TNN: variants seen among roughly 807,000 people sequenced by gnomAD.
The protein encoded by TNN is tenascin-N.
TNN carries 122 observed loss-of-function variants against 134.4 expected under a neutral mutation model. The observed-to-expected ratio is 0.91, with a 90% CI of 0.78 to 1.06. The LOEUF (loss-of-function observed/expected upper bound fraction) is 1.06. Ranked by LOEUF, TNN falls within the 50% of genes least tolerant of loss-of-function variation. The probability of loss-of-function intolerance (pLI) is 0.00; values close to 1 mark genes in which losing one functional copy is unlikely to be tolerated. For missense variants in TNN, 1,739 were observed against 1,699.4 expected, an observed-to-expected ratio of 1.02 and a Z score of -0.41; for synonymous variants, 710 against 670.3, an observed-to-expected ratio of 1.06 and a Z score of -0.91.
chr1:175,139,860 T>C (rs1175058540), intron 17 of TNN, among the ~76,000 whole-genome samples: 3 of 152,254 alleles, frequency 2.0e-5, no homozygotes, highest in Non-Finnish European at 4.4e-5. Context: ...TTCAGGTTTA[T>C]TGTGATCTTA....
At chr1:175,132,358 A>C (rs1411667105) in intron 15 of TNN, among the ~76,000 whole-genome samples, 2 of 152,186 alleles carry the variant, frequency 1.3e-5, no homozygotes, top group African/African-American at 4.8e-5. Flanking sequence ...GGACTTTCAC[A>C]TCTGTCAAAT....
intron 4 of TNN, 114 bp from the exon 5 acceptor site, chr1:175,083,636 C>G: frequency 1.0e-6 from 1 of 957,524 alleles, no homozygotes; most frequent in Admixed American, 2.7e-5. Context: ...GGGGCTGAAG[C>G]CAGCTCTTGA....
rs1240910068 is a variant in TNN at position 175,104,247 on chromosome 1, G to A, written c.2119+5652G>A. On this transcript the variant is annotated intron_variant, in intron 9 of 18. Transcript: ENST00000239462. ...ACTGAGAAGGCCGCGCCAGTATCCA[G>A]GAGGAAGTCAATTTCCTGGCCCTCA... 2.1e-5 allele frequency among the ~76,000 whole-genome samples: 3 copies of A among 145,538 alleles called. 1 individual carries two copies. Among genetic ancestry groups the A allele is most frequent in the Non-Finnish European group, 4.6e-5 (3 of 65,586 alleles).
intron 9 of TNN, among the ~76,000 whole-genome samples, chr1:175,110,099 A>G (rs541045552): frequency 4.6e-5 from 7 of 152,172 alleles, no homozygotes; most frequent in Non-Finnish European, 8.8e-5. Context: ...CATTTCCCTG[A>G]TGATTAGTGA....
intron 4 of TNN, among the ~76,000 whole-genome samples, chr1:175,081,949 G>A (rs947100692): frequency 6.6e-6 from 1 of 152,150 alleles, no homozygotes; most frequent in Non-Finnish European, 1.5e-5. Context: ...TGGGTGTTCA[G>A]CTATTTGTGT....
chr1:175,125,246 A>C (rs994961271), intron 12 of TNN, among the ~76,000 whole-genome samples: 1 of 152,238 alleles, frequency 6.6e-6, no homozygotes, highest in African/African-American at 2.4e-5. Context: ...CTCTCAGCTG[A>C]AATGCTACTG....
At chr1:175,100,905 T>C (rs1039608849) in intron 9 of TNN, among the ~76,000 whole-genome samples, 13 of 152,250 alleles carry the variant, frequency 8.5e-5, no homozygotes, top group African/African-American at 2.7e-4. Flanking sequence ...TACATATTTA[T>C]AGGTACATGT....
At position 175,098,132 on chromosome 1, in the gene TNN, T is replaced by C. The variant is rs536987207; in HGVS notation, c.1856-200T>C. On this transcript the variant is annotated intron_variant, in intron 8 of 18. Coordinates refer to ENST00000239462, the MANE Select transcript of TNN (RefSeq NM_022093.2). Reference sequence around the variant, plus strand: ...TAGGGAACTGAAAGCCAAGAAAGAATGCCTCATTTATAATGATTCCTCCTT... The same window carrying C: ...TAGGGAACTGAAAGCCAAGAAAGAACGCCTCATTTATAATGATTCCTCCTT... Among the ~76,000 whole-genome samples the C allele has an allele frequency of 2.9e-4, 44 of 152,320 alleles. 2 individuals carry two copies. The Middle Eastern group carries it at 0.014, about 47-fold the overall frequency.
chr1:175,142,549 C>T (rs1281848571), intron 17 of TNN, among the ~76,000 whole-genome samples: 2 of 152,172 alleles, frequency 1.3e-5, no homozygotes, highest in Non-Finnish European at 2.9e-5. Context: ...GCATAGGTTG[C>T]CGGGGCCCAA....
chr1:175,136,107 G>T (rs1675803861), intron 16 of TNN, among the ~76,000 whole-genome samples, 166 bp downstream of exon 16: 1 of 152,164 alleles, frequency 6.6e-6, no homozygotes, highest in East Asian at 1.9e-4. Flanking sequence ...TGATGGGAAG[G>T]CTGTCTTGCA....
At chr1:175,072,675 G>A (rs1436717953) in intron 1 of TNN, among the ~76,000 whole-genome samples, 1 of 152,174 alleles carries the variant, frequency 6.6e-6, no homozygotes, top group African/African-American at 2.4e-5. Flanking sequence ...TTGACAGAAT[G>A]TTAGGTTGAG....
chr1:175,117,564 C>G (rs933206377), intron 10 of TNN, among the ~76,000 whole-genome samples: 3 of 152,122 alleles, frequency 2.0e-5, no homozygotes, highest in Admixed American at 2.0e-4. Context: ...GAAAATTTGA[C>G]TTTAAGAACG....
At chr1:175,073,649 C>A (rs1422295138) in intron 1 of TNN, among the ~76,000 whole-genome samples, 1 of 152,228 alleles carries the variant, frequency 6.6e-6, no homozygotes, top group African/African-American at 2.4e-5. Context: ...CCTTAACATG[C>A]ATGGCTGCTT....
intron 9 of TNN, among the ~76,000 whole-genome samples, chr1:175,100,529 G>A (rs1231365002): frequency 6.6e-6 from 1 of 152,204 alleles, no homozygotes; most frequent in Non-Finnish European, 1.5e-5. Flanking sequence ...GGTCAGCCAA[G>A]GGTCACAAAA....
At chr1:175,115,020 G>A (rs1675125986) in intron 9 of TNN, among the ~76,000 whole-genome samples, 1 of 152,110 alleles carries the variant, frequency 6.6e-6, no homozygotes, top group Non-Finnish European at 1.5e-5. Context: ...CTCCCTGGGA[G>A]AAGAGTGTCT....
intron 15 of TNN, among the ~76,000 whole-genome samples, chr1:175,132,247 C>T (rs1213519579): frequency 6.6e-6 from 1 of 152,110 alleles, no homozygotes; most frequent in Non-Finnish European, 1.5e-5. Flanking sequence ...GAAACAGATT[C>T]AGTAGGGCTG....
chr1:175,145,513 A>G (rs1261828735), intron 18 of TNN, among the ~76,000 whole-genome samples: 1 of 125,724 alleles, frequency 8.0e-6, no homozygotes, highest in African/African-American at 3.0e-5. Context: ...TGATCAAGCC[A>G]CTGCACTCCA....
At chr1:175,107,969 C>T (rs1378139031) in intron 9 of TNN, among the ~76,000 whole-genome samples, 1 of 126,846 alleles carries the variant, frequency 7.9e-6, no homozygotes. Flanking sequence ...ACCAAGGCCC[C>T]GCCAGAGCAG....
intron 11 of TNN, among the ~76,000 whole-genome samples, chr1:175,119,149 G>C (rs1319436860): frequency 6.6e-6 from 1 of 152,166 alleles, no homozygotes; most frequent in Non-Finnish European, 1.5e-5. Context: ...GGAAAGTAAA[G>C]GAATAAAAGA....
Sources: gnomAD v4.1 joint callset for allele counts (sites outside exome capture counted in the v4.1 genomes callset) on GRCh38, gnomAD v4.1.1 for gene constraint, MANE v1.5 for transcripts, NCBI Gene and HGNC (gene_info 2026-07-23, HGNC 2026-07-21) for gene names.